Variants in CPAMD8 observed in about 807,000 individuals in gnomAD.
CPAMD8 encodes the protein C3 and PZP like alpha-2-macroglobulin domain containing 8.
CPAMD8 carries 146 observed loss-of-function variants against 224.7 expected under a neutral mutation model. That is an observed-to-expected ratio of 0.65 (90% CI 0.57 to 0.75). CPAMD8 has a LOEUF of 0.75. Ranked by LOEUF, CPAMD8 falls within the 30% of genes least tolerant of loss-of-function variation. The pLI is 0.00. For synonymous variants in CPAMD8, 966 were observed against 1,044.6 expected (o/e 0.92, Z 1.45); for missense variants, 2,301 against 2,537.5 (o/e 0.91, Z 2.00).
At chr19:17,005,430 C>T (rs918262465) in intron 7 of CPAMD8, among the ~76,000 whole-genome samples, 3 of 149,830 alleles carry the variant, frequency 2.0e-5, no homozygotes, top group Non-Finnish European at 3.0e-5. Context: ...AGAGCACGCA[C>T]ACACTTTAGA....
intron 29 of CPAMD8, among the ~76,000 whole-genome samples, chr19:16,912,517 G>A (rs1214425776): frequency 1.3e-5 from 2 of 152,248 alleles, no homozygotes; most frequent in Admixed American, 1.3e-4. Context: ...GGGAGGCCAA[G>A]GCAGGAGGAT....
chr19:16,957,912 T>C lies in CPAMD8; in HGVS notation c.2217A>G (p.Thr739=), dbSNP rs1568528190. The C allele has an allele frequency of 6.2e-7, 1 of 1,613,352 alleles. No homozygotes were observed. The change falls in exon 19 of 42, where the codon ACA becomes ACG. Residue 739 remains threonine, a synonymous_variant. Coordinates refer to ENST00000443236, the MANE Select transcript of CPAMD8 (RefSeq NM_015692.5). The part of the protein sequence containing the change: ...AVAPSRHPPR[T]EKRKRTFFPE... ...GGAAGAAAGTCCTTTTTCTCTTCTC[T>C]GTTCTATGAAAAGAAAAAAAGAAAC...
chr19:16,966,650 AAAAC>A (rs1308359592), intron 18 of CPAMD8, among the ~76,000 whole-genome samples: 3 of 152,232 alleles, frequency 2.0e-5, no homozygotes, highest in Non-Finnish European at 2.9e-5. Context: ...TTACAAGAAA[AAAAC>A]AAACAACCCC....
intron 1 of CPAMD8, among the ~76,000 whole-genome samples, chr19:17,024,690 CTGT>C (rs1299671925): frequency 6.6e-6 from 1 of 152,240 alleles, no homozygotes; most frequent in Non-Finnish European, 1.5e-5. Context: ...CTGTTTCCAG[CTGT>C]TGGGATGCTT....
In CPAMD8 at chr19:16,957,833, G is replaced by T; in HGVS notation, c.2276+20C>A. On this transcript the variant is annotated intron_variant, in intron 19 of 41. Coordinates refer to ENST00000443236, the MANE Select transcript of CPAMD8 (RefSeq NM_015692.5). ...TCACTCAACCGGCAAAGTCAGCGCA[G>T]AAAAGAAATCTTAATGTACCTGATG... The T allele has an allele frequency of 6.2e-7, 1 of 1,613,420 alleles. No homozygotes were observed. The highest frequency in any genetic ancestry group is 1.1e-5 in the South Asian group (1 of 90,880).
At chr19:16,991,379 G>A (rs1483947956) in intron 12 of CPAMD8, among the ~76,000 whole-genome samples, 1 of 152,104 alleles carries the variant, frequency 6.6e-6, no homozygotes, top group Non-Finnish European at 1.5e-5. Flanking sequence ...ACTTGCAGCT[G>A]GTGTCAGAAT....
At chr19:17,002,635 C>T (rs1003155466) in intron 8 of CPAMD8, 2 of 282,296 alleles carry the variant, frequency 7.1e-6, no homozygotes. Context: ...CCAGGGTGGA[C>T]ACGAGGCCAG....
At chr19:16,987,179 A>AAAAAAAATATATATATATAT (rs1555784836) in intron 13 of CPAMD8, among the ~76,000 whole-genome samples, 3 of 53,908 alleles carry the variant, frequency 5.6e-5, no homozygotes. Flanking sequence ...AAAAAAAAAA[A>AAAAAAAATATATATATATAT]ATATATATAT....
intron 22 of CPAMD8, among the ~76,000 whole-genome samples, chr19:16,944,944 C>T (rs1286352821): frequency 6.6e-6 from 1 of 152,142 alleles, no homozygotes; most frequent in Non-Finnish European, 1.5e-5. Context: ...GTCCAAGCAG[C>T]CAAGAAAAGA....
chr19:17,007,426 GGGA>G (rs1028928526), intron 7 of CPAMD8, among the ~76,000 whole-genome samples: 3 of 151,354 alleles, frequency 2.0e-5, no homozygotes, highest in African/African-American at 4.9e-5. Flanking sequence ...GGAGGAGAGG[GGGA>G]GGAGGAGGAG....
chr19:17,022,100 C>A lies in CPAMD8; in HGVS notation c.174G>T (p.Arg58Ser), dbSNP rs1397347933. The change falls in exon 2 of 42, where the codon AGG becomes AGT. Residue 58 changes from arginine (R) to serine (S), a missense_variant. Physicochemically the swap from Arg to Ser is moderately radical, Grantham distance 110. This residue lies in a region of CPAMD8 where 283 missense variants were observed against 340.6 expected (regional missense o/e 0.83). Coordinates refer to ENST00000443236, the MANE Select transcript of CPAMD8 (RefSeq NM_015692.5). ...VISVTIFNSPREVTVQAQLVA... is the reference protein window; with the variant it reads ...VISVTIFNSPSEVTVQAQLVA... ...CCAGCTGAGCCTGGACCGTGACTTCCCTTGGAGAGTTAAAGATGGTCACGC... is the reference window on the plus strand; with the variant it reads ...CCAGCTGAGCCTGGACCGTGACTTCACTTGGAGAGTTAAAGATGGTCACGC... 6.2e-7 allele frequency: 1 copy of A among 1,605,798 alleles called. No homozygotes were observed. The highest frequency in any genetic ancestry group is 2.2e-5 in the East Asian group (1 of 44,586).
At chr19:17,023,623 C>A (rs2057011934) in intron 1 of CPAMD8, among the ~76,000 whole-genome samples, 1 of 151,536 alleles carries the variant, frequency 6.6e-6, no homozygotes. Flanking sequence ...GCTCTGTTGC[C>A]CAGGCTGGAG....
chr19:16,977,496 A>C lies in CPAMD8; in HGVS notation c.1630T>G (p.Ser544Ala). 6.2e-7 allele frequency: 1 copy of C among 1,610,982 alleles called. No homozygotes were observed. The highest frequency in any genetic ancestry group is 1.7e-5 in the Admixed American group (1 of 59,500). Residue 544 changes from serine to alanine, a missense_variant, in exon 15 of 42, where the codon TCT becomes GCT. Physicochemically the swap from Ser to Ala is moderately conservative, Grantham distance 99 (BLOSUM62 1). Coordinates refer to ENST00000443236, the MANE Select transcript of CPAMD8 (RefSeq NM_015692.5). ...PEAEVDVCVT[S>A]LHLAVTPSMV... ...CTGGGGGTCACGGCCAGATGAAGAG[A>C]GGTCACACACACGTCGACCTCAGCT... is the stretch of plus-strand genomic sequence containing the variant.
rs115339545 is a variant in CPAMD8, at chr19:16,986,841, G to A, written c.1395+2802C>T. 5.6e-3 allele frequency among the ~76,000 whole-genome samples: 851 copies of A among 152,130 alleles called. 9 individuals are homozygous for A. Among genetic ancestry groups the A allele is most frequent in the African/African-American group, 0.019 (782 of 41,512 alleles). On this transcript the variant is annotated intron_variant, in intron 13 of 41. Transcript: ENST00000443236. The stretch of plus-strand genomic sequence containing the variant: ...CTGCCACCAGTCCACAAAGTTAACA[G>A]AGGGGTGATGTATCTTAAATATAGA...
At chr19:16,902,936 G>A (rs1228290407) in intron 34 of CPAMD8, 73 bp from the exon 35 acceptor site, 3 of 878,736 alleles carry the variant, frequency 3.4e-6, no homozygotes, top group Non-Finnish European at 3.5e-6. Context: ...GGGAGGAGAA[G>A]GGCAGTGGGG....
chr19:16,961,933 C>A (rs569488386), intron 18 of CPAMD8, among the ~76,000 whole-genome samples: 1 of 152,188 alleles, frequency 6.6e-6, no homozygotes, highest in African/African-American at 2.4e-5. Flanking sequence ...CTCCAACAGA[C>A]CTGCAGCTGA....
chr19:16,904,284 G>C lies in CPAMD8; in HGVS notation c.4193C>G (p.Pro1398Arg). The stretch of plus-strand genomic sequence containing the variant: ...CTGCTGGGACAGCCACTTCACCACA[G>C]GCAGGGCGGCAGCCACGTCACCCAG... Reference protein sequence around the residue: ...TLLGDVAAALPVVKWLSQQRN... With the variant: ...TLLGDVAAALRVVKWLSQQRN... Residue 1398 changes from proline (P) to arginine (R), a missense_variant, in exon 32 of 42, where the codon CCT (proline) becomes CGT (arginine). Coordinates refer to ENST00000443236, the MANE Select transcript of CPAMD8 (RefSeq NM_015692.5). The C allele has an allele frequency of 5.6e-6, 9 of 1,604,344 alleles. No individual in the cohort carries two copies. Among genetic ancestry groups the C allele is most frequent in the Non-Finnish European group, 7.7e-6 (9 of 1,174,628 alleles).
At chr19:16,978,935 C>A (rs1030205244) in intron 14 of CPAMD8, among the ~76,000 whole-genome samples, 4 of 151,358 alleles carry the variant, frequency 2.6e-5, no homozygotes, top group African/African-American at 9.7e-5. Flanking sequence ...ACCCACCCAC[C>A]ATCCATCCAT....
intron 39 of CPAMD8, 129 bp downstream of exon 39, chr19:16,897,561 CT>C: frequency 1.7e-6 from 1 of 594,708 alleles, no homozygotes. Flanking sequence ...CACCTCTATG[CT>C]GCGTTCTCCT....
Sources: allele counts gnomAD v4.1 joint callset (sites outside exome capture counted in the v4.1 genomes callset), GRCh38; gene constraint gnomAD v4.1.1; regional missense constraint gnomAD v4.1.1; transcripts MANE v1.5; gene names NCBI Gene and HGNC (gene_info 2026-07-23, HGNC 2026-07-21).